Variants in MSI2 observed in about 807,000 individuals in gnomAD.
MSI2 encodes the protein musashi RNA binding protein 2, also known as RNA-binding protein Musashi homolog 2.
In MSI2, 17 loss-of-function variants were observed where a neutral mutation model predicts 45.6. The ratio of observed to expected loss-of-function variants is 0.37; its 90% CI spans 0.26 to 0.56. The LOEUF (loss-of-function observed/expected upper bound fraction) is 0.56, where lower values mean the gene tolerates loss of function less well. Among genes scored for constraint, MSI2 ranks in the 20% least tolerant of loss-of-function variants. The probability of loss-of-function intolerance (pLI) is 0.77; values close to 1 mark genes in which losing one functional copy is unlikely to be tolerated. For missense variants in MSI2, 293 were observed against 444.2 expected (o/e 0.66, Z 3.06); for synonymous variants, 156 against 158.2 (o/e 0.99, Z 0.11).
chr17:57,538,431 G>C (rs1372027108), intron 7 of MSI2, among the ~76,000 whole-genome samples: 1 of 152,136 alleles, frequency 6.6e-6, no homozygotes, highest in East Asian at 1.9e-4. Flanking sequence ...TTTAGAGTTG[G>C]TCATACTCGG....
chr17:57,395,808 A>G (rs1379021209), intron 5 of MSI2, among the ~76,000 whole-genome samples: 2 of 152,204 alleles, frequency 1.3e-5, no homozygotes, highest in African/African-American at 2.4e-5. Context: ...CTTCAGTGTC[A>G]CTGGACAGGA....
chr17:57,428,448 A>T (rs577386730), intron 6 of MSI2, among the ~76,000 whole-genome samples: 1 of 152,138 alleles, frequency 6.6e-6, no homozygotes, highest in Admixed American at 6.6e-5. Context: ...GGCTGGACCC[A>T]TGCTGGAGTG....
rs116630704 is a variant in MSI2, at chr17:57,485,473, T to C, written c.406-44203T>C. ...CATTTGCACAGATAGAAACAAAAGA[T>C]TGTGCAGATGGGAGCCACGCATGGA... On this transcript the variant is annotated intron_variant, in intron 6 of 13. Transcript: ENST00000284073. Among the ~76,000 whole-genome samples, 642 of 152,286 alleles carry C rather than the reference T, an allele frequency of 4.2e-3. 5 individuals are homozygous for C. Among genetic ancestry groups the C allele is most frequent in the African/African-American group, 0.015 (618 of 41,552 alleles).
At chr17:57,633,809 C>A (rs1909619268) in intron 10 of MSI2, among the ~76,000 whole-genome samples, 1 of 152,184 alleles carries the variant, frequency 6.6e-6, no homozygotes, top group Admixed American at 6.5e-5. Context: ...TTGGTAAATG[C>A]TATAAAATTG....
chr17:57,538,093 A>T (rs926601124), intron 7 of MSI2, among the ~76,000 whole-genome samples: 1 of 151,844 alleles, frequency 6.6e-6, no homozygotes, highest in Non-Finnish European at 1.5e-5. Flanking sequence ...ATAGAGGCCC[A>T]GGCTCTGACT....
the MSI2 span, among the ~76,000 whole-genome samples, chr17:57,692,359 GTTC>G: frequency 6.6e-6 from 1 of 152,142 alleles, no homozygotes; most frequent in South Asian, 2.1e-4. Context: ...TTGGGAAATA[GTTC>G]TTCTCTTCTA....
rs11870096 is a variant in MSI2 at position 57,624,085 on chromosome 17, G to T, written c.653-3144G>T. ...TTTTCTTCTTTCTCGTTGAAGCCTT[G>T]TAGGAAAGCCAGGAAGAAAGCAGGT... On this transcript the variant is annotated intron_variant, in intron 9 of 13. Coordinates refer to ENST00000284073, the MANE Select transcript of MSI2 (RefSeq NM_138962.4). Among the ~76,000 whole-genome samples the T allele has an allele frequency of 4.6e-5, 7 of 152,208 alleles. No individual in the cohort carries two copies. In the South Asian group the frequency reaches 1.5e-3, roughly 32 times the overall value.
intron 5 of MSI2, among the ~76,000 whole-genome samples, chr17:57,295,118 C>T (rs111699398): frequency 1.7e-4 from 26 of 152,276 alleles, no homozygotes; most frequent in African/African-American, 6.3e-4. Context: ...ATGTGCCCAC[C>T]CTCCAGTGCA....
chr17:57,360,239 G>A (rs773798558), intron 5 of MSI2, among the ~76,000 whole-genome samples: 30 of 152,350 alleles, frequency 2.0e-4, no homozygotes, highest in Middle Eastern at 3.4e-3. Context: ...CCACATGCTC[G>A]TGCTTGTGTG....
chr17:57,441,831 T>C (rs1460681969), intron 6 of MSI2, among the ~76,000 whole-genome samples: 1 of 152,130 alleles, frequency 6.6e-6, no homozygotes, highest in Non-Finnish European at 1.5e-5. Context: ...GCAATAGTAG[T>C]CATTGTTTTA....
intron 5 of MSI2, among the ~76,000 whole-genome samples, chr17:57,320,299 C>T (rs1237794092): frequency 3.9e-5 from 6 of 152,276 alleles, no homozygotes; most frequent in African/African-American, 1.4e-4. Flanking sequence ...AGGACTGGCT[C>T]TATCACAGGG....
intron 7 of MSI2, among the ~76,000 whole-genome samples, chr17:57,537,464 G>A (rs946152952): frequency 2.2e-4 from 34 of 152,326 alleles, no homozygotes; most frequent in African/African-American, 7.9e-4. Flanking sequence ...AACACCATTA[G>A]CCTTCCTGAG....
chr17:57,430,064 G>A (rs944426296), intron 6 of MSI2, among the ~76,000 whole-genome samples: 3 of 152,196 alleles, frequency 2.0e-5, no homozygotes, highest in Admixed American at 6.5e-5. Context: ...TTCTCAATCC[G>A]ATGTTTATTT....
intron 8 of MSI2, among the ~76,000 whole-genome samples, chr17:57,605,778 T>C (rs1350693580): frequency 2.0e-5 from 3 of 152,258 alleles, no homozygotes; most frequent in African/African-American, 4.8e-5. Flanking sequence ...CAGCTGCCTC[T>C]GCCTAGAAAA....
chr17:57,383,732 T>G (rs1191636299), intron 5 of MSI2, among the ~76,000 whole-genome samples: 1 of 152,254 alleles, frequency 6.6e-6, no homozygotes, highest in African/African-American at 2.4e-5. Flanking sequence ...CCTGCCTTTC[T>G]AAAGGCAGAG....
intron 5 of MSI2, among the ~76,000 whole-genome samples, chr17:57,352,053 A>G (rs1249867696): frequency 3.9e-5 from 6 of 152,234 alleles, no homozygotes; most frequent in Admixed American, 3.9e-4. Context: ...TTTCATATTC[A>G]TAAGGTACTG....
chr17:57,405,672 C>G (rs1235819708), intron 6 of MSI2, among the ~76,000 whole-genome samples: 2 of 152,162 alleles, frequency 1.3e-5, no homozygotes, highest in East Asian at 3.8e-4. Context: ...GGAACTTCAT[C>G]CTATGAGTAA....
At chr17:57,633,345 G>T (rs996177802) in intron 10 of MSI2, among the ~76,000 whole-genome samples, 4 of 152,238 alleles carry the variant, frequency 2.6e-5, no homozygotes, top group Non-Finnish European at 4.4e-5. Flanking sequence ...CTGCCTCCTG[G>T]CATCCCCTGT....
intron 5 of MSI2, among the ~76,000 whole-genome samples, chr17:57,315,526 C>T (rs187019534): frequency 2.0e-5 from 3 of 152,220 alleles, no homozygotes; most frequent in South Asian, 2.1e-4. Context: ...TCTTATTTCC[C>T]ATAGTACCAA....
Sources: allele counts gnomAD v4.1 joint callset (sites outside exome capture counted in the v4.1 genomes callset), GRCh38; gene constraint gnomAD v4.1.1; transcripts MANE v1.5; gene names NCBI Gene and HGNC (gene_info 2026-07-23, HGNC 2026-07-21).